Variants in SAMMSON observed in about 807,000 individuals in gnomAD.
The protein encoded by SAMMSON is long intergenic non-protein coding RNA 1212.
chr3:70,410,343 C>T (rs1249104165), intron 2 of SAMMSON, among the ~76,000 whole-genome samples: 3 of 152,206 alleles, frequency 2.0e-5, no homozygotes, highest in Non-Finnish European at 2.9e-5. Context: ...GACTGTCAGT[C>T]ACCTCTACTC....
intron 2 of SAMMSON, among the ~76,000 whole-genome samples, chr3:70,411,123 G>A (rs557581387): frequency 6.6e-6 from 1 of 152,130 alleles, no homozygotes; most frequent in Admixed American, 6.6e-5. Flanking sequence ...AATAGCACAG[G>A]TACAGCCTGT....
intron 7 of SAMMSON, among the ~76,000 whole-genome samples, chr3:70,307,507 C>A (rs1359494626): frequency 6.6e-6 from 1 of 152,078 alleles, no homozygotes; most frequent in Non-Finnish European, 1.5e-5. Context: ...TGTAATTTCC[C>A]CCCCCAATTT....
chr3:70,191,427 A>T (rs1701130971), intron 4 of SAMMSON, among the ~76,000 whole-genome samples: 1 of 152,256 alleles, frequency 6.6e-6, no homozygotes, highest in South Asian at 2.1e-4. Flanking sequence ...TGCATTGTGC[A>T]CGAATGACTC....
At chr3:70,244,940 C>A (rs1006174150) in intron 4 of SAMMSON, among the ~76,000 whole-genome samples, 3 of 152,052 alleles carry the variant, frequency 2.0e-5, no homozygotes, top group African/African-American at 7.2e-5. Context: ...TCTGAATATT[C>A]CCCCAAATTA....
At chr3:70,369,677 T>A (rs1204060726) in intron 9 of SAMMSON, among the ~76,000 whole-genome samples, 5 of 151,758 alleles carry the variant, frequency 3.3e-5, no homozygotes, top group Non-Finnish European at 7.4e-5. Flanking sequence ...TTGTAGATTT[T>A]AAAAAATTGA....
At chr3:70,382,712 T>C (rs1275705212) in intron 9 of SAMMSON, among the ~76,000 whole-genome samples, 10 of 152,122 alleles carry the variant, frequency 6.6e-5, no homozygotes, top group Non-Finnish European at 1.0e-4. Flanking sequence ...AAAATTATAA[T>C]ACAAGTCAAA....
chr3:70,338,695 G>A (rs991384057), intron 7 of SAMMSON, among the ~76,000 whole-genome samples: 9 of 151,950 alleles, frequency 5.9e-5, no homozygotes, highest in African/African-American at 1.7e-4. Context: ...AACTTACAAG[G>A]GATATGAAGG....
intron 3 of SAMMSON, among the ~76,000 whole-genome samples, chr3:70,029,130 T>C (rs1037523481): frequency 6.6e-6 from 1 of 152,184 alleles, no homozygotes; most frequent in Non-Finnish European, 1.5e-5. Flanking sequence ...ATAGGAAGTA[T>C]CAAGTCATAG....
chr3:70,417,701 C>A (rs1329958031), intron 2 of SAMMSON, among the ~76,000 whole-genome samples: 1 of 151,848 alleles, frequency 6.6e-6, no homozygotes, highest in African/African-American at 2.4e-5. Context: ...TCCCAAAGAC[C>A]CAGTAACTCA....
At chr3:70,222,164 T>G (rs1392595635) in intron 4 of SAMMSON, among the ~76,000 whole-genome samples, 1 of 152,166 alleles carries the variant, frequency 6.6e-6, no homozygotes, top group Non-Finnish European at 1.5e-5. Context: ...GCAAAGGTAT[T>G]CTGCTGGTCT....
chr3:70,394,891 G>A (rs1024516902), intron 2 of SAMMSON, among the ~76,000 whole-genome samples: 1 of 152,146 alleles, frequency 6.6e-6, no homozygotes, highest in Non-Finnish European at 1.5e-5. Flanking sequence ...GCCAGCAACA[G>A]CCAGTCTGTA....
At chr3:70,040,976 A>G (rs1161298056) in intron 3 of SAMMSON, among the ~76,000 whole-genome samples, 3 of 152,100 alleles carry the variant, frequency 2.0e-5, no homozygotes, top group African/African-American at 4.8e-5. Flanking sequence ...GTAACTGAGG[A>G]GGACTGCTAA....
intron 4 of SAMMSON, among the ~76,000 whole-genome samples, chr3:70,096,725 C>T (rs1454263272): frequency 6.6e-6 from 1 of 152,122 alleles, no homozygotes; most frequent in Non-Finnish European, 1.5e-5. Context: ...TAGAAGCTGC[C>T]TACAGAATTA....
At chr3:70,149,867 CT>C (rs973597818) in intron 4 of SAMMSON, among the ~76,000 whole-genome samples, 31 of 152,052 alleles carry the variant, frequency 2.0e-4, no homozygotes, top group African/African-American at 7.2e-4. Context: ...GTTACAACCC[CT>C]GATCAGAAAG....
At chr3:70,126,718 GTT>G (rs2067460495) in intron 4 of SAMMSON, 1 of 248,622 alleles carries the variant, frequency 4.0e-6, no homozygotes, top group African/African-American at 2.3e-5. Flanking sequence ...TTTTGTTTTT[GTT>G]TTTTGTTTTT....
intron 4 of SAMMSON, among the ~76,000 whole-genome samples, chr3:70,247,734 T>G (rs888042893): frequency 2.0e-5 from 3 of 151,818 alleles, no homozygotes; most frequent in Non-Finnish European, 4.4e-5. Flanking sequence ...CAATGCAATA[T>G]AAAGCAAGTG....
chr3:70,026,986 T>C (rs1173577277), intron 3 of SAMMSON, among the ~76,000 whole-genome samples: 5 of 152,190 alleles, frequency 3.3e-5, no homozygotes, highest in African/African-American at 1.2e-4. Flanking sequence ...AATGAGAAAG[T>C]AGGGCTGATT....
intron 4 of SAMMSON, among the ~76,000 whole-genome samples, chr3:70,209,819 G>A (rs1417138516): frequency 2.6e-5 from 4 of 152,026 alleles, no homozygotes; most frequent in Admixed American, 2.6e-4. Context: ...GCAAATAGCT[G>A]GGTTTTACAC....
intron 4 of SAMMSON, among the ~76,000 whole-genome samples, chr3:70,104,631 C>A (rs1183596167): frequency 6.6e-6 from 1 of 152,104 alleles, no homozygotes; most frequent in Non-Finnish European, 1.5e-5. Context: ...GTGCCAGGAG[C>A]TTAAAACTAT....
Sources: allele counts gnomAD v4.1 joint callset (sites outside exome capture counted in the v4.1 genomes callset), GRCh38; gene constraint gnomAD v4.1.1; transcripts MANE v1.5; gene names NCBI Gene and HGNC (gene_info 2026-07-23, HGNC 2026-07-21).